Variants in GUCY2C observed in about 807,000 individuals in gnomAD.
GUCY2C encodes the protein guanylyl cyclase C.
GUCY2C carries 118 observed loss-of-function variants against 131.1 expected under a neutral mutation model. The ratio of observed to expected loss-of-function variants is 0.90; its 90% confidence interval spans 0.78 to 1.05. The LOEUF (loss-of-function observed/expected upper bound fraction) is 1.05. Among genes scored for constraint, GUCY2C ranks in the 50% least tolerant of loss-of-function variants. The pLI, the probability that GUCY2C is intolerant of heterozygous loss-of-function variation, is 0.00. For missense variants in GUCY2C, 1,161 were observed against 1,304.4 expected (o/e 0.89, Z 1.69); for synonymous variants, 452 against 457.8 (o/e 0.99, Z 0.16).
rs948736655 is a variant in GUCY2C, at chr12:14,613,985, C to G, written c.3048-694G>C. Among the ~76,000 whole-genome samples the G allele has an allele frequency of 6.6e-6, 1 of 152,082 alleles. No individual in the cohort carries two copies. Among genetic ancestry groups the G allele is most frequent in the Non-Finnish European group, 1.5e-5 (1 of 68,020 alleles). On this transcript the variant is annotated intron_variant, in intron 26 of 26. Transcript: ENST00000261170. The surrounding 1 kb of genome is among the most constrained non-coding windows in gnomAD (Gnocchi z 4.9). ...TTTGTCTTCCTCATCTCAGGGAGAACACAGACTTCATGTTAAGACCCAGAA... is the reference window on the plus strand; with the variant it reads ...TTTGTCTTCCTCATCTCAGGGAGAAGACAGACTTCATGTTAAGACCCAGAA...
chr12:14,694,076 A>G (rs1173537417), intron 1 of GUCY2C, among the ~76,000 whole-genome samples: 1 of 152,190 alleles, frequency 6.6e-6, no homozygotes, highest in Non-Finnish European at 1.5e-5. Flanking sequence ...TTCTGATTGA[A>G]TCCACATGCT....
At position 14,678,151 on chromosome 12, in the gene GUCY2C, A is replaced by G. The variant is rs117278757; in HGVS notation, c.831-1180T>C. On this transcript the variant is annotated intron_variant, in intron 6 of 26. Transcript: ENST00000261170. ...TTGAACACATCTACTATGTGCTGAG[A>G]ACTGTATTGGATATTTTACTCCTAT... is the stretch of plus-strand genomic sequence containing the variant. Among the ~76,000 whole-genome samples the G allele has an allele frequency of 3.8e-3, 578 of 152,244 alleles. 2 individuals carry two copies. The highest frequency in any genetic ancestry group is 6.8e-3 in the Non-Finnish European group (465 of 68,014).
intron 15 of GUCY2C, among the ~76,000 whole-genome samples, chr12:14,649,106 C>T (rs1947586251): frequency 6.6e-6 from 1 of 152,116 alleles, no homozygotes; most frequent in Admixed American, 6.6e-5. Flanking sequence ...GTGGGTCTTA[C>T]TCTAATGTCA....
At chr12:14,617,542 G>A (rs1002745684) in intron 24 of GUCY2C, among the ~76,000 whole-genome samples, 6 of 152,100 alleles carry the variant, frequency 3.9e-5, no homozygotes, top group Admixed American at 6.6e-5. Context: ...GTGAAGATTC[G>A]GGAGAGTTGA....
In GUCY2C at chr12:14,643,695, A is replaced by G. The variant is rs1947455489; in HGVS notation, c.1809T>C (p.Tyr603=). Reference sequence around the variant, plus strand: ...GGACTTCTGTCTTACTGGAGTGCAGATATGACATTCCCTGTAATTTTTTAG... The same window carrying G: ...GGACTTCTGTCTTACTGGAGTGCAGGTATGACATTCCCTGTAATTTTTTAG... ...VLYDIAKGMS[Y]LHSSKTEVHG... The change falls in exon 17 of 27, where the codon TAT becomes TAC. Residue 603 remains tyrosine, a synonymous_variant. Transcript: ENST00000261170. The G allele has an allele frequency of 6.2e-7, 1 of 1,612,650 alleles. No homozygotes were observed. Among genetic ancestry groups the G allele is most frequent in the East Asian group, 2.2e-5 (1 of 44,866 alleles).
At chr12:14,614,722 G>A in intron 26 of GUCY2C, 145 bp downstream of exon 26, 1 of 591,962 alleles carries the variant, frequency 1.7e-6, no homozygotes, top group East Asian at 3.4e-5. Flanking sequence ...TAGGAAGGGA[G>A]GTTTCTAAAC....
At position 14,613,258 on chromosome 12, in the gene GUCY2C, T is replaced by C; in HGVS notation, c.3081A>G (p.Ser1027=). Residue 1027 remains serine, a synonymous_variant, in exon 27 of 27, where the codon TCA becomes TCG. Coordinates refer to ENST00000261170, the MANE Select transcript of GUCY2C (RefSeq NM_004963.4). The surrounding 1 kb of genome is among the most constrained non-coding windows in gnomAD (Gnocchi z 4.9). ...TCTGTAAAGAGTTGGCAATCATGTC[T>C]GAAAATTCTGCTTGCAAACGCTGTT... ...ENQQRLQAEF[S]DMIANSLQKR... is the part of the protein sequence containing the mutation. 1 of 1,613,444 alleles carries C rather than the reference T, an allele frequency of 6.2e-7. No individual in the cohort carries two copies. The highest frequency in any genetic ancestry group is 8.5e-7 in the Non-Finnish European group (1 of 1,179,504).
chr12:14,641,254 G>A lies in GUCY2C; in HGVS notation c.1931-35C>T, dbSNP rs141030029. 2.1e-4 allele frequency: 343 copies of A among 1,609,050 alleles called. No individual in the cohort carries two copies. The East Asian group carries it at 5.6e-3, about 26-fold the overall frequency. ...TAGACATTGAGATTACAAAGTTGAG[G>A]GGGGTGAGTGGTTCATAGGCCTCCA... On this transcript the variant is annotated intron_variant, in intron 17 of 26. Coordinates refer to ENST00000261170, the MANE Select transcript of GUCY2C (RefSeq NM_004963.4).
intron 3 of GUCY2C, among the ~76,000 whole-genome samples, chr12:14,685,598 G>A (rs1353622843): frequency 6.6e-6 from 1 of 152,106 alleles, no homozygotes; most frequent in Admixed American, 6.6e-5. Flanking sequence ...AGAGATGAGG[G>A]TGATTTTCCC....
chr12:14,636,497 A>C (rs1017408003), intron 19 of GUCY2C, among the ~76,000 whole-genome samples: 2 of 152,124 alleles, frequency 1.3e-5, no homozygotes, highest in Non-Finnish European at 2.9e-5. Context: ...CACCCACAAA[A>C]TAATAAAAGC....
chr12:14,653,501 A>G (rs1017866350), intron 12 of GUCY2C, among the ~76,000 whole-genome samples: 3 of 152,244 alleles, frequency 2.0e-5, no homozygotes, highest in Non-Finnish European at 4.4e-5. Context: ...ATTTATCAAA[A>G]GGAGCTGGTA....
At chr12:14,695,759 A>G (rs1197457060) in intron 1 of GUCY2C, among the ~76,000 whole-genome samples, 1 of 151,912 alleles carries the variant, frequency 6.6e-6, no homozygotes, top group South Asian at 2.1e-4. Context: ...ACCAAATCTT[A>G]CCTCTGAGTA....
Position 14,613,316 on chromosome 12 carries a change from A to T in GUCY2C, c.3048-25T>A. On this transcript the variant is annotated intron_variant, in intron 26 of 26. Transcript: ENST00000261170. The surrounding 1 kb of genome is among the most constrained non-coding windows in gnomAD (Gnocchi z 4.9). ...CCTGGAAACAGAGTGGGAAGAGAAA[A>T]TAGAACTTCTCAGCAATTCATACAG... is the stretch of plus-strand genomic sequence containing the variant. The T allele has an allele frequency of 6.3e-7, 1 of 1,578,710 alleles. No individual in the cohort carries two copies. The highest frequency in any genetic ancestry group is 8.7e-7 in the Non-Finnish European group (1 of 1,148,474).
intron 10 of GUCY2C, among the ~76,000 whole-genome samples, chr12:14,668,948 CAG>C (rs1452789442): frequency 6.6e-6 from 1 of 152,172 alleles, no homozygotes; most frequent in Non-Finnish European, 1.5e-5. Flanking sequence ...AGTATGGGAA[CAG>C]GGGAGACTGT....
chr12:14,636,375 A>T (rs567333477), intron 19 of GUCY2C, among the ~76,000 whole-genome samples: 1 of 152,348 alleles, frequency 6.6e-6, no homozygotes, highest in East Asian at 1.9e-4. Context: ...ATCTCAATCG[A>T]TGCAGAAAAA....
intron 19 of GUCY2C, among the ~76,000 whole-genome samples, chr12:14,638,158 A>ACAATGAGCT (rs1471870466): frequency 6.6e-6 from 1 of 152,254 alleles, no homozygotes; most frequent in Non-Finnish European, 1.5e-5. Context: ...AGTCAAAACC[A>ACAATGAGCT]CAATGAGCTA....
Position 14,613,340 on chromosome 12 carries a change from A to T in GUCY2C, c.3048-49T>A, listed in dbSNP as rs1238110067. ...AATAGAACTTCTCAGCAATTCATACAGAATATTCCTTAGCTCCAGAATAAT... is the reference window on the plus strand; with the variant it reads ...AATAGAACTTCTCAGCAATTCATACTGAATATTCCTTAGCTCCAGAATAAT... On this transcript the variant is annotated intron_variant, in intron 26 of 26. Transcript: ENST00000261170. The surrounding 1 kb of genome is among the most constrained non-coding windows in gnomAD (Gnocchi z 4.9). 7.4e-7 allele frequency: 1 copy of T among 1,358,840 alleles called. No individual in the cohort carries two copies. The highest frequency in any genetic ancestry group is 2.3e-5 in the East Asian group (1 of 43,708). The allele number at this position is 1,358,840 out of a possible 1,614,324, so 84.2% of individuals were successfully genotyped here.
rs941809480 is a variant in GUCY2C, at chr12:14,621,163, A to T, written c.2655T>A (p.Asn885Lys). ...YMVASGLPKR[N>K]GNRHAIDIAK... Reference sequence around the variant, plus strand: ...CAATGTCTATTGCATGCCGATTGCCATTTCTCTTAGGCAAACCACTAGCCA... The same window carrying T: ...CAATGTCTATTGCATGCCGATTGCCTTTTCTCTTAGGCAAACCACTAGCCA... Residue 885 changes from asparagine (N) to lysine (K), a missense_variant, in exon 23 of 27, where the codon AAT becomes AAA. Transcript: ENST00000261170. The T allele has an allele frequency of 6.2e-7, 1 of 1,613,680 alleles. No homozygotes were observed.
At chr12:14,619,416 A>G (rs1946846820) in intron 23 of GUCY2C, 107 bp from the exon 24 acceptor site, 1 of 681,060 alleles carries the variant, frequency 1.5e-6, no homozygotes, top group African/African-American at 1.8e-5. Flanking sequence ...ACTTCCTGTC[A>G]TGGAGAAGTA....
Sources: allele counts gnomAD v4.1 joint callset (sites outside exome capture counted in the v4.1 genomes callset), GRCh38; gene constraint gnomAD v4.1.1; non-coding constraint Gnocchi (gnomAD v3.1); transcripts MANE v1.5; gene names NCBI Gene and HGNC (gene_info 2026-07-23, HGNC 2026-07-21).